Variants in SLC35B4 observed in about 807,000 individuals in gnomAD.
The protein encoded by SLC35B4 is solute carrier family 35 member B4.
SLC35B4 carries 28 observed loss-of-function variants against 39.5 expected under a neutral mutation model. The observed-to-expected ratio is 0.71, with a 90% CI of 0.53 to 0.97. The LOEUF (loss-of-function observed/expected upper bound fraction) is 0.97, where lower values mean the gene tolerates loss of function less well. SLC35B4 is among the 50% of genes least tolerant of loss of function. The probability of loss-of-function intolerance (pLI) is 0.00; values close to 1 mark genes in which losing one functional copy is unlikely to be tolerated. For missense variants in SLC35B4, 334 were observed against 414.3 expected (o/e 0.81, Z 1.68); for synonymous variants, 145 against 150.4 (o/e 0.96, Z 0.26).
rs1021435690 is a variant in SLC35B4, at chr7:134,290,019, T to A, written c.*4814A>T. On this transcript the variant is annotated 3_prime_UTR_variant, in exon 10 of 10. Transcript: ENST00000378509. ...AGACAGTGATCTCCAGGCATCAGCTTCAGCTGCTACAAGCTAACTGTACCA... is the reference window on the plus strand; with the variant it reads ...AGACAGTGATCTCCAGGCATCAGCTACAGCTGCTACAAGCTAACTGTACCA... The A allele has an allele frequency of 6.6e-6, 1 of 152,178 alleles. No homozygotes were observed. Among genetic ancestry groups the A allele is most frequent in the African/African-American group, 2.4e-5 (1 of 41,446 alleles). 9.4% of individuals were successfully genotyped at this position (152,178 alleles called of 1,614,324 possible). A position where few individuals can be genotyped will look rare whatever the true frequency, so the allele number is the denominator to read the frequency against.
At chr7:134,319,788 G>A (rs1804065007), upstream of SLC35B4, among the ~76,000 whole-genome samples, 1 of 151,852 alleles carries the variant, frequency 6.6e-6, no homozygotes, top group South Asian at 2.1e-4. Flanking sequence ...CTTCTCTTTG[G>A]GAAAAACCTG....
At chr7:134,312,751 A>T (rs1213464117) in intron 1 of SLC35B4, among the ~76,000 whole-genome samples, 1 of 152,212 alleles carries the variant, frequency 6.6e-6, no homozygotes, top group Non-Finnish European at 1.5e-5. Context: ...TGCCCATTTC[A>T]TTCCATTTCT....
chr7:134,303,276 T>C (rs1195377517), intron 4 of SLC35B4, among the ~76,000 whole-genome samples: 1 of 152,140 alleles, frequency 6.6e-6, no homozygotes, highest in Non-Finnish European at 1.5e-5. Context: ...CAACAGATGC[T>C]TGAGAAAGAC....
intron 1 of SLC35B4, among the ~76,000 whole-genome samples, chr7:134,313,450 C>T (rs1323571646): frequency 1.3e-5 from 2 of 152,160 alleles, no homozygotes; most frequent in African/African-American, 2.4e-5. Flanking sequence ...TGGTGTAAGG[C>T]AAGCAATAAT....
Position 134,289,799 on chromosome 7 carries a change from A to T in SLC35B4, c.*5034T>A, listed in dbSNP as rs1259174811. ...CATTTCAAAAGATATCAGTAAGTCA[A>T]TGTGCCAAAGAAATTATTACAACTT... On this transcript the variant is annotated 3_prime_UTR_variant, in exon 10 of 10. Transcript: ENST00000378509. The T allele has an allele frequency of 5.9e-5, 9 of 152,206 alleles. No individual in the cohort carries two copies. Among genetic ancestry groups the T allele is most frequent in the Non-Finnish European group, 1.3e-4 (9 of 68,028 alleles). 9.4% of individuals were successfully genotyped at this position (152,206 alleles called of 1,614,324 possible).
chr7:134,296,738 A>T (rs971989785), intron 8 of SLC35B4, among the ~76,000 whole-genome samples: 1 of 152,236 alleles, frequency 6.6e-6, no homozygotes, highest in Non-Finnish European at 1.5e-5. Context: ...TTACAAAGAA[A>T]GACTGTGAAG....
intron 1 of SLC35B4, among the ~76,000 whole-genome samples, chr7:134,311,662 AAAC>A (rs905563365): frequency 1.5e-4 from 23 of 152,138 alleles, no homozygotes; most frequent in African/African-American, 2.7e-4. Flanking sequence ...TCTCAAAAAC[AAAC>A]AACAACAACA....
rs546421242 is a variant in SLC35B4 at position 134,301,734 on chromosome 7, T to G, written c.487+27A>C. 11 of 1,603,592 alleles carry G rather than the reference T, an allele frequency of 6.9e-6. No individual in the cohort carries two copies. The South Asian group carries it at 9.9e-5, about 14-fold the overall frequency. ...CAGCAAACACAACTGCAGAGGCAAT[T>G]AGCTTTATTATAATTATTGTACTTG... On this transcript the variant is annotated intron_variant, in intron 6 of 9. Transcript: ENST00000378509.
chr7:134,302,020 GCTT>G lies in SLC35B4; in HGVS notation c.426+6_426+8del, dbSNP rs781423344. 2 of 1,612,238 alleles carry G rather than the reference GCTT, an allele frequency of 1.2e-6. No individual in the cohort carries two copies. The highest frequency in any genetic ancestry group is 1.1e-5 in the South Asian group (1 of 90,386). The stretch of plus-strand genomic sequence containing the variant: ...GTAGTGAACATAAAATAATTTGTGA[GCTT>G]CTTACCACCTGCTTTGCTGACATAA... On this transcript the variant is annotated splice_donor_region_variant and intron_variant, in intron 5 of 9. Transcript: ENST00000378509.
intron 1 of SLC35B4, among the ~76,000 whole-genome samples, chr7:134,315,892 C>G (rs540616240): frequency 9.2e-5 from 14 of 152,210 alleles, no homozygotes; most frequent in Middle Eastern, 3.4e-3. Context: ...TTCCACACCA[C>G]CTGTTGTCTC....
chr7:134,316,261 AG>A (rs1803972122), intron 1 of SLC35B4, among the ~76,000 whole-genome samples: 1 of 152,230 alleles, frequency 6.6e-6, no homozygotes, highest in Non-Finnish European at 1.5e-5. Flanking sequence ...GATCGAAAAA[AG>A]AGCTAGAGTT....
At chr7:134,309,787 T>C (rs1052395619) in intron 1 of SLC35B4, among the ~76,000 whole-genome samples, 85 of 152,368 alleles carry the variant, frequency 5.6e-4, no homozygotes, top group African/African-American at 1.9e-3. Flanking sequence ...AAATTGGTCA[T>C]ATGTTCTTAT....
At position 134,302,121 on chromosome 7, in the gene SLC35B4, GA is replaced by G. The variant is rs746023528; in HGVS notation, c.345-12del. 5.6e-6 allele frequency: 9 copies of G among 1,592,962 alleles called. No homozygotes were observed. Among genetic ancestry groups the G allele is most frequent in the East Asian group, 2.2e-5 (1 of 44,712 alleles). The stretch of plus-strand genomic sequence containing the variant: ...TTGAATATACTGTATCTGCAAAAAA[GA>G]AAAAAAAGAAGAAAAACACCTTAGG... On this transcript the variant is annotated splice_polypyrimidine_tract_variant and intron_variant, in intron 4 of 9. Coordinates refer to ENST00000378509, the MANE Select transcript of SLC35B4 (RefSeq NM_032826.5).
At chr7:134,304,899 A>G (rs752581045) in intron 3 of SLC35B4, 45 bp from the exon 4 acceptor site, 5 of 1,469,598 alleles carry the variant, frequency 3.4e-6, no homozygotes, top group East Asian at 2.3e-5. Flanking sequence ...GTGCACTAGG[A>G]AAAAAACAAC....
In SLC35B4 at chr7:134,296,285, G is replaced by A. The variant is rs187740830; in HGVS notation, c.749+106C>T. 1,907 of 1,031,670 alleles carry A rather than the reference G, an allele frequency of 1.8e-3. 9 individuals are homozygous for A. Among genetic ancestry groups the A allele is most frequent in the Non-Finnish European group, 1.6e-3 (1,081 of 682,970 alleles). The allele number at this position is 1,031,670 out of a possible 1,614,324, so 63.9% of individuals were successfully genotyped here. A position where few individuals can be genotyped will look rare whatever the true frequency, so the allele number is the denominator to read the frequency against. ...CAGCTTACCGCAGAATAAATCCAGC[G>A]AAAATCATATTCAAGTCAACACACT... On this transcript the variant is annotated intron_variant, in intron 9 of 9. Coordinates refer to ENST00000378509, the MANE Select transcript of SLC35B4 (RefSeq NM_032826.5).
In SLC35B4 at chr7:134,316,657, C is replaced by CCCGAG. The variant is rs1421892233; in HGVS notation, c.77+13_77+17dup. 16 of 1,548,944 alleles carry CCCGAG rather than the reference C, an allele frequency of 1.0e-5. No individual in the cohort carries two copies. Among genetic ancestry groups the CCCGAG allele is most frequent in the African/African-American group, 1.4e-5 (1 of 73,000 alleles). On this transcript the variant is annotated intron_variant, in intron 1 of 9. Transcript: ENST00000378509. ...CCCCGCCCCGGGAGACCGGGTGCGG[C>CCCGAG]CCGAGCGGGTCACTCACCGGGCCAG...
rs1248498646 is a variant in SLC35B4, at chr7:134,291,729, T to C, written c.*3104A>G. The C allele has an allele frequency of 6.6e-6, 1 of 152,226 alleles. No individual in the cohort carries two copies. Among genetic ancestry groups the C allele is most frequent in the African/African-American group, 2.4e-5 (1 of 41,456 alleles). 9.4% of individuals were successfully genotyped at this position (152,226 alleles called of 1,614,324 possible). On this transcript the variant is annotated 3_prime_UTR_variant, in exon 10 of 10. Transcript: ENST00000378509. Reference sequence around the variant, plus strand: ...AGTATTTGGATTTGTCTAAATACTTTAGAACTTGATATAAATGTATCAAGT... The same window carrying C: ...AGTATTTGGATTTGTCTAAATACTTCAGAACTTGATATAAATGTATCAAGT...
Position 134,298,856 on chromosome 7 carries a change from C to T in SLC35B4, c.673+667G>A, listed in dbSNP as rs146147564. Among the ~76,000 whole-genome samples, 146 of 152,274 alleles carry T rather than the reference C, an allele frequency of 9.6e-4. 3 individuals are homozygous for T. The highest frequency in any genetic ancestry group is 7.3e-3 in the Admixed American group (112 of 15,298). On this transcript the variant is annotated intron_variant, in intron 8 of 9. Transcript: ENST00000378509. ...CAACATAAAGCCTTGATTTTAAAAA[C>T]GTTTATTTGTTCCTTGTGTGTTCAA...
rs1563211695 is a variant in SLC35B4, at chr7:134,291,569, AGAG to A, written c.*3261_*3263del. The A allele has an allele frequency of 2.0e-5, 3 of 152,214 alleles. No individual in the cohort carries two copies. The highest frequency in any genetic ancestry group is 4.4e-5 in the Non-Finnish European group (3 of 68,034). 9.4% of individuals were successfully genotyped at this position (152,214 alleles called of 1,614,324 possible). A position where few individuals can be genotyped will look rare whatever the true frequency, so the allele number is the denominator to read the frequency against. Reference sequence around the variant, plus strand: ...AACATCACGCCATCTTTCCAGAAGAAGAGAAGAGGTTTACTCTGGGTGGCACAG... The same window carrying A: ...AACATCACGCCATCTTTCCAGAAGAAAAGAGGTTTACTCTGGGTGGCACAG... On this transcript the variant is annotated 3_prime_UTR_variant, in exon 10 of 10. Coordinates refer to ENST00000378509, the MANE Select transcript of SLC35B4 (RefSeq NM_032826.5).
Sources: gnomAD v4.1 joint callset for allele counts (sites outside exome capture counted in the v4.1 genomes callset) on GRCh38, gnomAD v4.1.1 for gene constraint, MANE v1.5 for transcripts, NCBI Gene and HGNC (gene_info 2026-07-23, HGNC 2026-07-21) for gene names.